Variants in ADGRA3 observed in about 807,000 individuals in gnomAD.
ADGRA3 encodes adhesion G protein-coupled receptor A3.
Under a neutral mutation model 119.8 loss-of-function variants are expected in ADGRA3, and 56 were observed. The observed-to-expected ratio is 0.47, with a 90% CI of 0.38 to 0.58. The LOEUF is 0.58. Among genes scored for constraint, ADGRA3 ranks in the 20% least tolerant of loss-of-function variants. The pLI is 0.00. For synonymous variants in ADGRA3, 607 were observed against 623.8 expected, an observed-to-expected ratio of 0.97 and a Z score of 0.40; for missense variants, 1,516 against 1,649.0, an observed-to-expected ratio of 0.92 and a Z score of 1.40.
intron 1 of ADGRA3, among the ~76,000 whole-genome samples, chr4:22,497,997 T>TTGGCAG: frequency 6.7e-6 from 1 of 149,302 alleles, no homozygotes; most frequent in East Asian, 2.0e-4. Context: ...TCCCAACCCT[T>TTGGCAG]TGGCAGGCCG....
intron 1 of ADGRA3, among the ~76,000 whole-genome samples, chr4:22,496,511 G>A (rs1281461003): frequency 1.3e-5 from 2 of 152,092 alleles, no homozygotes; most frequent in Non-Finnish European, 2.9e-5. Context: ...TTAATACCTA[G>A]CAACCAGCAT....
chr4:22,419,969 T>C (rs1715585419), intron 12 of ADGRA3: 1 of 152,602 alleles, frequency 6.6e-6, no homozygotes, highest in South Asian at 2.1e-4. Context: ...CAGTTGGGAT[T>C]TTCTAAATTT....
chr4:22,495,160 G>C (rs1718767293), intron 1 of ADGRA3, among the ~76,000 whole-genome samples: 1 of 151,926 alleles, frequency 6.6e-6, no homozygotes, highest in African/African-American at 2.4e-5. Flanking sequence ...GCTACTAAGT[G>C]ACTAACAGGC....
intron 5 of ADGRA3, among the ~76,000 whole-genome samples, chr4:22,445,377 A>G (rs961865958): frequency 2.6e-5 from 4 of 151,848 alleles, no homozygotes; most frequent in Non-Finnish European, 4.4e-5. Flanking sequence ...GCAAACAAAG[A>G]CTCTTTGGCA....
chr4:22,515,237 G>A, intron 1 of ADGRA3: 1 of 249,884 alleles, frequency 4.0e-6, no homozygotes, highest in African/African-American at 2.2e-5. Flanking sequence ...ATCCTCACGT[G>A]GCACCGCGCA....
At chr4:22,446,089 A>G (rs1247060251) in intron 5 of ADGRA3, among the ~76,000 whole-genome samples, 1 of 152,220 alleles carries the variant, frequency 6.6e-6, no homozygotes, top group Non-Finnish European at 1.5e-5. Flanking sequence ...AAAGTGCAAT[A>G]ATGTTTAAGT....
rs748176960 is a variant in ADGRA3, at chr4:22,424,238, G to C, written c.1558C>G (p.Arg520Gly). Reference protein sequence around the residue: ...ACSRIVQCLQRIATYRLAGGA... With the variant: ...ACSRIVQCLQGIATYRLAGGA... Reference sequence around the variant, plus strand: ...CCGGCTAGCCGGTAGGTAGCAATGCGCTGAAGACACTGCACAATCCTACTG... The same window carrying C: ...CCGGCTAGCCGGTAGGTAGCAATGCCCTGAAGACACTGCACAATCCTACTG... The change falls in exon 11 of 19, where the codon CGC (arginine) becomes GGC (glycine). Residue 520 changes from arginine to glycine, a missense_variant. Around this residue, in one of 2 missense-constraint regions of ADGRA3, gnomAD observed 1,088 missense variants for 1,107.1 expected, o/e 0.98. Coordinates refer to ENST00000334304, the MANE Select transcript of ADGRA3 (RefSeq NM_145290.4). The C allele has an allele frequency of 6.2e-7, 1 of 1,613,210 alleles. No homozygotes were observed. The highest frequency in any genetic ancestry group is 1.7e-5 in the Admixed American group (1 of 60,000).
chr4:22,498,647 G>A (rs758216850), intron 1 of ADGRA3, among the ~76,000 whole-genome samples: 5 of 151,928 alleles, frequency 3.3e-5, no homozygotes, highest in Non-Finnish European at 7.4e-5. Flanking sequence ...CAGGCGCGGT[G>A]GCTCACGCCT....
At chr4:22,507,785 C>T (rs552351998) in intron 1 of ADGRA3, among the ~76,000 whole-genome samples, 101 of 152,222 alleles carry the variant, frequency 6.6e-4, no homozygotes, top group Admixed American at 2.4e-3. Flanking sequence ...GCAATATTCC[C>T]GGTAGGAATT....
chr4:22,507,576 T>C (rs764647727), intron 1 of ADGRA3, among the ~76,000 whole-genome samples: 28 of 152,198 alleles, frequency 1.8e-4, no homozygotes, highest in Non-Finnish European at 3.5e-4. Context: ...CCAAACATTA[T>C]CATATTCGTT....
chr4:22,457,255 A>G (rs1039778477), intron 3 of ADGRA3, among the ~76,000 whole-genome samples: 1 of 152,244 alleles, frequency 6.6e-6, no homozygotes, highest in African/African-American at 2.4e-5. Context: ...AAGCCACTTC[A>G]ACTTCCTAAA....
chr4:22,469,443 G>A (rs546289580), intron 2 of ADGRA3, among the ~76,000 whole-genome samples: 6 of 152,122 alleles, frequency 3.9e-5, no homozygotes, highest in Admixed American at 2.0e-4. Context: ...TGTATTTATC[G>A]GACCAACTGG....
At chr4:22,423,969 G>T (rs149059420) in intron 11 of ADGRA3, among the ~76,000 whole-genome samples, 79 of 152,240 alleles carry the variant, frequency 5.2e-4, no homozygotes, top group African/African-American at 1.9e-3. Context: ...AAGAAATTCT[G>T]TAATAACTTA....
At position 22,413,648 on chromosome 4, in the gene ADGRA3, T is replaced by A. The variant is rs1715308950; in HGVS notation, c.1976A>T (p.Asp659Val). 3.1e-6 allele frequency: 5 copies of A among 1,613,924 alleles called. No homozygotes were observed. The highest frequency in any genetic ancestry group is 1.3e-5 in the African/African-American group (1 of 74,936). The change falls in exon 13 of 19, where the codon GAT (aspartate) becomes GTT (valine). Residue 659 changes from aspartate to valine, a missense_variant. By Grantham distance (152) the Asp-to-Val change is radical (BLOSUM62 -3). Transcript: ENST00000334304. ...GGTAACCACAGTACGTCGTTTTCCA[T>A]CATCAGCCAAATTTGTTGAATTTCC... Reference protein sequence around the residue: ...ATGNSTNLADDGKRRTVVTPV... With the variant: ...ATGNSTNLADVGKRRTVVTPV...
chr4:22,447,862 A>T (rs1285330004), intron 4 of ADGRA3, among the ~76,000 whole-genome samples: 1 of 152,236 alleles, frequency 6.6e-6, no homozygotes, highest in African/African-American at 2.4e-5. Flanking sequence ...AGCAAATAAA[A>T]ATGTAAAAAC....
intron 17 of ADGRA3, 83 bp downstream of exon 17, chr4:22,392,462 T>G: frequency 6.5e-7 from 1 of 1,529,050 alleles, no homozygotes; most frequent in Non-Finnish European, 8.9e-7. Context: ...TTCCCAAAAT[T>G]CACTCAGCAA....
In ADGRA3 at chr4:22,435,459, A is replaced by G. The variant is rs749092609; in HGVS notation, c.1295T>C (p.Leu432Pro). ...RVLYMFNQMP[L>P]NLTNAVATAR... is the part of the protein sequence containing the mutation. ...TGTTGCCACGGCATTGGTAAGATTG[A>G]GGGGCATCTACATTTCAAAGGCAAA... The change falls in exon 10 of 19, where the codon CTC becomes CCC. Residue 432 changes from leucine (L) to proline (P), a missense_variant. This residue lies in a region of ADGRA3 where 1,088 missense variants were observed against 1,107.1 expected (regional missense o/e 0.98). Coordinates refer to ENST00000334304, the MANE Select transcript of ADGRA3 (RefSeq NM_145290.4). 1 of 1,591,376 alleles carries G rather than the reference A, an allele frequency of 6.3e-7. No homozygotes were observed.
rs145554829 is a variant in ADGRA3, at chr4:22,489,800, A to T, written c.258-15957T>A. On this transcript the variant is annotated intron_variant, in intron 1 of 18. Transcript: ENST00000334304. ...CCAAACCATCTACAATAGTACTTCT[A>T]ACTTCAATCTCTGCAAGGTTAACAA... Among the ~76,000 whole-genome samples, 22 of 152,328 alleles carry T rather than the reference A, an allele frequency of 1.4e-4. No homozygotes were observed. The East Asian group carries it at 3.7e-3, about 25-fold the overall frequency.
At chr4:22,469,769 G>A (rs957402383) in intron 2 of ADGRA3, among the ~76,000 whole-genome samples, 9 of 152,126 alleles carry the variant, frequency 5.9e-5, no homozygotes, top group Non-Finnish European at 1.0e-4. Flanking sequence ...TAAATTACCT[G>A]AGACCTGACA....
Sources: allele counts gnomAD v4.1 joint callset (sites outside exome capture counted in the v4.1 genomes callset), GRCh38; gene constraint gnomAD v4.1.1; regional missense constraint gnomAD v4.1.1; transcripts MANE v1.5; gene names NCBI Gene and HGNC (gene_info 2026-07-23, HGNC 2026-07-21).